The following HDAC4 variants were observed in gnomAD, a reference collection of about 807,000 sequenced individuals.
The protein encoded by HDAC4 is histone deacetylase A.
HDAC4 carries 16 observed loss-of-function variants against 135.1 expected under a neutral mutation model. The observed-to-expected ratio is 0.12, with a 90% CI of 0.08 to 0.18. The LOEUF (loss-of-function observed/expected upper bound fraction) is 0.18. Ranked by LOEUF, HDAC4 falls within the 10% of genes least tolerant of loss-of-function variation. The pLI is 1.00. For missense variants in HDAC4, 1,143 were observed against 1,511.8 expected, an observed-to-expected ratio of 0.76 and a Z score of 4.05; for synonymous variants, 685 against 653.4, an observed-to-expected ratio of 1.05 and a Z score of -0.74.
At chr2:239,375,492 T>C (rs1022309889) in intron 1 of HDAC4, among the ~76,000 whole-genome samples, 10 of 152,038 alleles carry the variant, frequency 6.6e-5, no homozygotes, top group Non-Finnish European at 1.5e-4. Flanking sequence ...GCGTCCTCCA[T>C]GCAGATTCAG....
At chr2:239,396,738 C>T (rs1405670802) in intron 1 of HDAC4, among the ~76,000 whole-genome samples, 2 of 152,224 alleles carry the variant, frequency 1.3e-5, no homozygotes, top group Non-Finnish European at 2.9e-5. Flanking sequence ...AACTCTTATC[C>T]TATTAAATCT....
chr2:239,162,316 C>T, intron 6 of HDAC4: 1 of 456,742 alleles, frequency 2.2e-6, no homozygotes. Context: ...AGCTCTCCAT[C>T]CTCCGCCAGG....
chr2:239,178,273 T>C lies in HDAC4; in HGVS notation c.340-1710A>G, dbSNP rs536512644. 2.0e-5 allele frequency among the ~76,000 whole-genome samples: 3 copies of C among 152,340 alleles called. No individual in the cohort carries two copies. The East Asian group carries it at 5.8e-4, about 29-fold the overall frequency. On this transcript the variant is annotated intron_variant, in intron 4 of 26. Coordinates refer to ENST00000543185, the MANE Select transcript of HDAC4 (RefSeq NM_001378414.1). ...CGTTACCAGTTGTCTCTTGTCCCAG[T>C]GTCTTGTTTATTTTAGACATAGGGT...
chr2:239,074,991 A>G (rs1323883674), intron 22 of HDAC4, among the ~76,000 whole-genome samples: 1 of 152,156 alleles, frequency 6.6e-6, no homozygotes, highest in African/African-American at 2.4e-5. Context: ...TGGGAGGCCG[A>G]GGCAGGCGGA....
chr2:239,399,335 T>C (rs996406664), intron 1 of HDAC4, among the ~76,000 whole-genome samples: 5 of 152,226 alleles, frequency 3.3e-5, no homozygotes, highest in African/African-American at 4.8e-5. Flanking sequence ...TTTTGTTGCT[T>C]TGTAACTGCT....
At chr2:239,291,481 C>T (rs971665574) in intron 2 of HDAC4, among the ~76,000 whole-genome samples, 1 of 152,222 alleles carries the variant, frequency 6.6e-6, no homozygotes, top group African/African-American at 2.4e-5. Flanking sequence ...AAAGAAACGT[C>T]ATCATCTAGA....
intron 18 of HDAC4, chr2:239,089,727 GCTTT>G: frequency 2.4e-6 from 1 of 416,792 alleles, no homozygotes; most frequent in East Asian, 4.1e-5. Context: ...GCTCTTTGGA[GCTTT>G]TTTTTTTTTT....
intron 20 of HDAC4, among the ~76,000 whole-genome samples, chr2:239,082,943 A>G (rs1046244490): frequency 4.6e-5 from 7 of 152,220 alleles, no homozygotes; most frequent in African/African-American, 1.7e-4. Context: ...GCCTGAGAAG[A>G]CAGCATGCAG....
chr2:239,113,722 C>A (rs1232506337), intron 13 of HDAC4, among the ~76,000 whole-genome samples: 1 of 152,162 alleles, frequency 6.6e-6, no homozygotes, highest in Non-Finnish European at 1.5e-5. Flanking sequence ...CATCAACTTA[C>A]AAGGCCCGAC....
chr2:239,291,413 G>A (rs1287391458), intron 2 of HDAC4, among the ~76,000 whole-genome samples: 2 of 152,206 alleles, frequency 1.3e-5, no homozygotes, highest in Admixed American at 6.5e-5. Context: ...CTCAAAGAGG[G>A]GTCCCCTGGG....
chr2:239,372,095 G>A (rs1349954034), intron 1 of HDAC4, among the ~76,000 whole-genome samples: 1 of 152,170 alleles, frequency 6.6e-6, no homozygotes, highest in Admixed American at 6.5e-5. Context: ...AGGGCAGTAG[G>A]GTGAAGCAGG....
chr2:239,293,773 TG>T (rs777292497), intron 2 of HDAC4, among the ~76,000 whole-genome samples: 6 of 152,244 alleles, frequency 3.9e-5, no homozygotes, highest in Non-Finnish European at 8.8e-5. Flanking sequence ...GAGGCTAACC[TG>T]TATCACCTGG....
rs571102778 is a variant in HDAC4 at position 239,115,041 on chromosome 2, G to C, written c.1791+12C>G. The C allele has an allele frequency of 3.1e-6, 5 of 1,608,474 alleles. No homozygotes were observed. The highest frequency in any genetic ancestry group is 4.2e-6 in the Non-Finnish European group (5 of 1,179,608). ...GTGCCAGCCTTCTGGTGCCCTCCCC[G>C]CCTGCGGTCACCTGTCTGAAGAGCA... On this transcript the variant is annotated intron_variant, in intron 13 of 26. Transcript: ENST00000543185. The surrounding 1 kb of genome is among the most constrained non-coding windows in gnomAD (Gnocchi z 6.3).
chr2:239,268,679 C>G (rs1394544757), intron 2 of HDAC4, among the ~76,000 whole-genome samples: 4 of 152,324 alleles, frequency 2.6e-5, no homozygotes, highest in African/African-American at 9.6e-5. Flanking sequence ...GTCAGGGACA[C>G]AGCCCCTCAG....
chr2:239,066,937 G>A (rs774881299), intron 23 of HDAC4, 82 bp from the exon 24 acceptor site: 18 of 1,525,868 alleles, frequency 1.2e-5, no homozygotes, highest in Admixed American at 7.8e-5. Context: ...TCATGGCATC[G>A]TAAGAAGACT....
intron 4 of HDAC4, among the ~76,000 whole-genome samples, chr2:239,189,310 T>C (rs1026715437): frequency 6.6e-6 from 1 of 152,236 alleles, no homozygotes; most frequent in Non-Finnish European, 1.5e-5. Context: ...AATTTTAAAA[T>C]CTGGTATCAG....
chr2:239,348,359 G>C (rs927978352), intron 2 of HDAC4, among the ~76,000 whole-genome samples: 1 of 152,190 alleles, frequency 6.6e-6, no homozygotes, highest in South Asian at 2.1e-4. Flanking sequence ...CTTTCTCTAG[G>C]CACGAACATT....
intron 3 of HDAC4, among the ~76,000 whole-genome samples, chr2:239,213,380 G>A (rs542465275): frequency 7.2e-4 from 109 of 152,298 alleles, no homozygotes; most frequent in African/African-American, 2.2e-3. Context: ...AGCGGTGCCC[G>A]CGCCCCTCAT....
At position 239,400,367 on chromosome 2, in the gene HDAC4, C is replaced by G. The variant is rs1696883375; in HGVS notation, c.-220+611G>C. 1 of 148,214 alleles carries G rather than the reference C, an allele frequency of 6.7e-6. No homozygotes were observed. Among genetic ancestry groups the G allele is most frequent in the South Asian group, 2.0e-4 (1 of 4,884 alleles). 9.2% of individuals were successfully genotyped at this position (148,214 alleles called of 1,614,324 possible). On this transcript the variant is annotated intron_variant, in intron 1 of 26. Coordinates refer to ENST00000543185, the MANE Select transcript of HDAC4 (RefSeq NM_001378414.1). This position sits in a 1 kb window ranked among gnomAD's most constrained non-coding sequence, Gnocchi z 4.7. ...GCCCCCGCCCTCACTCCCGGCGGCCCGGAGCCCACCTGCTCGGGGGGCGCG... is the reference window on the plus strand; with the variant it reads ...GCCCCCGCCCTCACTCCCGGCGGCCGGGAGCCCACCTGCTCGGGGGGCGCG...
Sources: allele counts gnomAD v4.1 joint callset (sites outside exome capture counted in the v4.1 genomes callset), GRCh38; gene constraint gnomAD v4.1.1; non-coding constraint Gnocchi (gnomAD v3.1); transcripts MANE v1.5; gene names NCBI Gene and HGNC (gene_info 2026-07-23, HGNC 2026-07-21).